Variants in SOCS7 observed in about 807,000 individuals in gnomAD.
The protein encoded by SOCS7 is NAP-4.
SOCS7 carries 18 observed loss-of-function variants against 58.9 expected under a neutral mutation model. That is an observed-to-expected ratio of 0.31 (90% CI 0.21 to 0.45). The LOEUF (loss-of-function observed/expected upper bound fraction) is 0.45, where lower values mean the gene tolerates loss of function less well. Ranked by LOEUF, SOCS7 falls within the 20% of genes least tolerant of loss-of-function variation. The probability of loss-of-function intolerance (pLI) is 1.00; values close to 1 mark genes in which losing one functional copy is unlikely to be tolerated. For missense variants in SOCS7, 667 were observed against 837.3 expected (o/e 0.80, Z 2.51); for synonymous variants, 388 against 364.3 (o/e 1.06, Z -0.74).
intron 7 of SOCS7, among the ~76,000 whole-genome samples, chr17:38,386,023 A>T (rs1302934598): frequency 6.6e-6 from 1 of 152,048 alleles, no homozygotes; most frequent in Non-Finnish European, 1.5e-5. Context: ...TACCAAAAAA[A>T]TAAATTAAAA....
intron 6 of SOCS7, among the ~76,000 whole-genome samples, chr17:38,373,130 A>C (rs190097936): frequency 6.6e-6 from 1 of 151,822 alleles, no homozygotes; most frequent in African/African-American, 2.4e-5. Flanking sequence ...AAAAGAAAAG[A>C]AAAGCATACC....
intron 6 of SOCS7, among the ~76,000 whole-genome samples, chr17:38,375,099 G>A (rs559234719): frequency 6.6e-6 from 1 of 152,246 alleles, no homozygotes; most frequent in South Asian, 2.1e-4. Context: ...GGAGGCTAGG[G>A]CAGGAGGATC....
intron 2 of SOCS7, 45 bp from the exon 3 acceptor site, chr17:38,364,707 T>A (rs754250032): frequency 6.6e-7 from 1 of 1,522,804 alleles, no homozygotes; most frequent in South Asian, 1.1e-5. Context: ...GCATCAGCTT[T>A]GGGCAAGGCG....
chr17:38,358,506 C>T (rs1473386544), intron 1 of SOCS7, among the ~76,000 whole-genome samples: 2 of 151,898 alleles, frequency 1.3e-5, no homozygotes, highest in African/African-American at 4.8e-5. Context: ...AAGAGTGTTG[C>T]TTTCTAATTA....
At position 38,401,024 on chromosome 17, in the gene SOCS7, GT is replaced by G. The variant is rs1428533862; in HGVS notation, c.*1545del. ...GTCACAAGACAGATACTAATGTCAG[GT>G]TTGTGGCTTCCTGATGGTTTGGGTG... On this transcript the variant is annotated 3_prime_UTR_variant, in exon 10 of 10. Coordinates refer to ENST00000612932, the MANE Select transcript of SOCS7 (RefSeq NM_014598.4). 2.0e-5 allele frequency: 3 copies of G among 152,198 alleles called. No homozygotes were observed. Among genetic ancestry groups the G allele is most frequent in the Admixed American group, 2.0e-4 (3 of 15,274 alleles). The allele number at this position is 152,198 out of a possible 1,614,324, so 9.4% of individuals were successfully genotyped here. A position where few individuals can be genotyped will look rare whatever the true frequency, so the allele number is the denominator to read the frequency against.
rs1288649954 is a variant in SOCS7, at chr17:38,402,098, T to A, written c.*2616T>A. The A allele has an allele frequency of 6.6e-6, 1 of 152,318 alleles. No homozygotes were observed. Among genetic ancestry groups the A allele is most frequent in the Non-Finnish European group, 1.5e-5 (1 of 68,150 alleles). The allele number at this position is 152,318 out of a possible 1,614,324, so 9.4% of individuals were successfully genotyped here. A position where few individuals can be genotyped will look rare whatever the true frequency, so the allele number is the denominator to read the frequency against. On this transcript the variant is annotated 3_prime_UTR_variant, in exon 10 of 10. Transcript: ENST00000612932. Reference sequence around the variant, plus strand: ...GTGACCCAACCTCACCACCCACCTTTCTCCTCCTGGGGAGTGTCGTGTTGA... The same window carrying A: ...GTGACCCAACCTCACCACCCACCTTACTCCTCCTGGGGAGTGTCGTGTTGA...
At chr17:38,356,508 G>A (rs2037640200) in intron 1 of SOCS7, among the ~76,000 whole-genome samples, 1 of 151,850 alleles carries the variant, frequency 6.6e-6, no homozygotes, top group African/African-American at 2.4e-5. Flanking sequence ...GGGACTACAG[G>A]TACACGCCAC....
rs2038291808 is a variant in SOCS7, at chr17:38,399,545, C to T, written c.*63C>T. ...GTTGCCAAGCTCCAGCTTTGAAGAA[C>T]CAAATTAAGCTACCATGAAAAGAAG... On this transcript the variant is annotated 3_prime_UTR_variant, in exon 10 of 10. Coordinates refer to ENST00000612932, the MANE Select transcript of SOCS7 (RefSeq NM_014598.4). 1 of 152,594 alleles carries T rather than the reference C, an allele frequency of 6.6e-6. No individual in the cohort carries two copies. The highest frequency in any genetic ancestry group is 2.1e-4 in the South Asian group (1 of 4,832). The allele number at this position is 152,594 out of a possible 1,614,324, so 9.5% of individuals were successfully genotyped here.
chr17:38,363,443 C>T (rs997428473), intron 2 of SOCS7, among the ~76,000 whole-genome samples: 3 of 152,206 alleles, frequency 2.0e-5, no homozygotes, highest in African/African-American at 7.2e-5. Flanking sequence ...CCAAACGATC[C>T]TCCCACCTCA....
chr17:38,357,843 G>C (rs997997677), intron 1 of SOCS7, among the ~76,000 whole-genome samples: 1 of 152,164 alleles, frequency 6.6e-6, no homozygotes, highest in Non-Finnish European at 1.5e-5. Flanking sequence ...GGCAAGATAG[G>C]TTATTATTCT....
At chr17:38,397,688 T>A (rs1422120532) in intron 9 of SOCS7, among the ~76,000 whole-genome samples, 4 of 152,224 alleles carry the variant, frequency 2.6e-5, no homozygotes, top group Non-Finnish European at 5.9e-5. Flanking sequence ...GCACCCAGTA[T>A]GAATTGAGAA....
chr17:38,353,487 C>T (rs2037590591), intron 1 of SOCS7, among the ~76,000 whole-genome samples: 1 of 152,210 alleles, frequency 6.6e-6, no homozygotes, highest in African/African-American at 2.4e-5. Flanking sequence ...GGAGAATCTT[C>T]AAATGCAATT....
chr17:38,385,748 G>T (rs891118998), intron 7 of SOCS7, among the ~76,000 whole-genome samples: 1 of 151,656 alleles, frequency 6.6e-6, no homozygotes, highest in Non-Finnish European at 1.5e-5. Flanking sequence ...ATTTCCTTAC[G>T]ATTTACTTAT....
chr17:38,385,445 CTT>C (rs1368366565), intron 7 of SOCS7, among the ~76,000 whole-genome samples: 18 of 93,004 alleles, frequency 1.9e-4, no homozygotes, highest in African/African-American at 5.1e-4. Flanking sequence ...TCTTTTCTTT[CTT>C]TTTTTTTTTT....
rs1446588054 is a variant in SOCS7, at chr17:38,397,998, G to A, written c.*31-1515G>A. 4.6e-5 allele frequency among the ~76,000 whole-genome samples: 7 copies of A among 152,300 alleles called. No homozygotes were observed. The East Asian group carries it at 1.4e-3, about 29-fold the overall frequency. On this transcript the variant is annotated intron_variant, in intron 9 of 9. Coordinates refer to ENST00000612932, the MANE Select transcript of SOCS7 (RefSeq NM_014598.4). The stretch of plus-strand genomic sequence containing the variant: ...GGCAAGGGGACCTAGAGGTATAAAG[G>A]CCCTGCCTCAGCTGGGAAGGACGTG...
chr17:38,361,104 A>T (rs1555567500), intron 1 of SOCS7, among the ~76,000 whole-genome samples: 1 of 152,242 alleles, frequency 6.6e-6, no homozygotes. Context: ...AGAGAGACGA[A>T]TGGGCCCTCT....
At chr17:38,358,952 T>C (rs2037677396) in intron 1 of SOCS7, among the ~76,000 whole-genome samples, 1 of 152,158 alleles carries the variant, frequency 6.6e-6, no homozygotes, top group East Asian at 1.9e-4. Flanking sequence ...CCGCAAGATG[T>C]GTGCATTTGG....
intron 6 of SOCS7, among the ~76,000 whole-genome samples, chr17:38,374,897 A>G (rs1304272083): frequency 1.3e-5 from 2 of 152,248 alleles, no homozygotes; most frequent in Non-Finnish European, 1.5e-5. Context: ...CTTCTATGAT[A>G]TGGGCACTAA....
At chr17:38,361,112 T>G (rs2037713327) in intron 1 of SOCS7, among the ~76,000 whole-genome samples, 1 of 152,206 alleles carries the variant, frequency 6.6e-6, no homozygotes, top group African/African-American at 2.4e-5. Context: ...GAATGGGCCC[T>G]CTTGGATGCT....
Sources: allele counts gnomAD v4.1 joint callset (sites outside exome capture counted in the v4.1 genomes callset), GRCh38; gene constraint gnomAD v4.1.1; transcripts MANE v1.5; gene names NCBI Gene and HGNC (gene_info 2026-07-23, HGNC 2026-07-21).